Variants in HOXA4 observed in about 807,000 individuals in gnomAD.
HOXA4 encodes the protein homeobox protein Hox-A4.
HOXA4 carries 31 observed loss-of-function variants against 25.3 expected under a neutral mutation model. That is an observed-to-expected ratio of 1.22 (90% CI 0.92 to 1.65). The LOEUF (loss-of-function observed/expected upper bound fraction) is 1.65. Ranked by LOEUF, HOXA4 falls within the 40% of genes most tolerant of loss-of-function variation. HOXA4 has a pLI of 0.00. For missense variants in HOXA4, 459 were observed against 446.0 expected (o/e 1.03, Z -0.26); for synonymous variants, 225 against 207.7 (o/e 1.08, Z -0.72).
In HOXA4 at chr7:27,130,620, C is replaced by A. The variant is rs1785510034; in HGVS notation, c.114G>T (p.Gly38=). ...CTGGGGGCTGCTGGTAGCCGGGGCC[C>A]CCGCCCGGGCCGCCGTCTGCGCCGC... is the stretch of plus-strand genomic sequence containing the variant. ...GSGGADGGPG[G]GPGYQQPPAP... The change falls in exon 1 of 2, where the codon GGG becomes GGT. Residue 38 remains glycine (G), a synonymous_variant. Coordinates refer to ENST00000360046, the MANE Select transcript of HOXA4 (RefSeq NM_002141.5). 1.9e-6 allele frequency: 3 copies of A among 1,560,168 alleles called. No individual in the cohort carries two copies. The highest frequency in any genetic ancestry group is 2.6e-6 in the Non-Finnish European group (3 of 1,152,196).
At position 27,130,496 on chromosome 7, in the gene HOXA4, G is replaced by A. The variant is rs1322988312; in HGVS notation, c.238C>T (p.Arg80Cys). 7.0e-6 allele frequency: 9 copies of A among 1,282,890 alleles called. No homozygotes were observed. The South Asian group carries it at 2.1e-4, about 29-fold the overall frequency. 79.5% of individuals were successfully genotyped at this position (1,282,890 alleles called of 1,614,324 possible). Residue 80 changes from arginine (R) to cysteine (C), a missense_variant, in exon 1 of 2, where the codon CGC (arginine) becomes TGC (cysteine). By Grantham distance (180) the Arg-to-Cys change is radical. Transcript: ENST00000360046. Reference protein sequence around the residue: ...TASYYAPRTAREPAYPAAALY... With the variant: ...TASYYAPRTACEPAYPAAALY... ...GCGGCAGCAGGGTAGGCGGGCTCGC[G>A]GGCGGTCCGCGGCGCGTAGTAGGAG...
At position 27,130,300 on chromosome 7, in the gene HOXA4, T is replaced by A; in HGVS notation, c.434A>T (p.Gln145Leu). 1 of 1,089,374 alleles carries A rather than the reference T, an allele frequency of 9.2e-7. No individual in the cohort carries two copies. The allele number at this position is 1,089,374 out of a possible 1,614,324, so 67.5% of individuals were successfully genotyped here. A position where few individuals can be genotyped will look rare whatever the true frequency, so the allele number is the denominator to read the frequency against. Residue 145 changes from glutamine to leucine, a missense_variant, in exon 1 of 2, where the codon CAG (glutamine) becomes CTG (leucine). Physicochemically the swap from Gln to Leu is moderately radical, Grantham distance 113. Coordinates refer to ENST00000360046, the MANE Select transcript of HOXA4 (RefSeq NM_002141.5). The stretch of plus-strand genomic sequence containing the variant: ...GGCCGCTGGGGGCACGGCGCGAGGC[T>A]GCAGGGGCGGCGGCAGCTGGGGCTG... ...VLQPQLPPPLQPRAVPPAAPR... is the reference protein window; with the variant it reads ...VLQPQLPPPLLPRAVPPAAPR...
intron 1 of HOXA4, 62 bp downstream of exon 1, chr7:27,130,056 G>A (rs1785455709): frequency 4.0e-6 from 6 of 1,511,586 alleles, no homozygotes; most frequent in Middle Eastern, 1.7e-4. Context: ...TCCTGACCCC[G>A]ACCCTCGAAC....
At chr7:27,129,719 A>T in intron 1 of HOXA4, 148 bp from the exon 2 acceptor site, 1 of 888,154 alleles carries the variant, frequency 1.1e-6, no homozygotes, top group East Asian at 2.6e-5. Flanking sequence ...CAAGATACAT[A>T]AAACGGCAAA....
Position 27,130,381 on chromosome 7 carries a change from T to C in HOXA4, c.353A>G (p.Gln118Arg). 1 of 1,150,116 alleles carries C rather than the reference T, an allele frequency of 8.7e-7. No homozygotes were observed. The highest frequency in any genetic ancestry group is 1.1e-6 in the Non-Finnish European group (1 of 936,418). 71.2% of individuals were successfully genotyped at this position (1,150,116 alleles called of 1,614,324 possible). ...ASPGRPPQPE[Q>R]PPAQAKGPAH... ...TGGGCCCTTGGCTTGCGCCGGGGGC[T>C]GCTCGGGCTGGGGCGGCCGCCCGGG... The change falls in exon 1 of 2, where the codon CAG becomes CGG. Residue 118 changes from glutamine (Q) to arginine (R), a missense_variant. Gln to Arg is a conservative substitution (Grantham distance 43). Coordinates refer to ENST00000360046, the MANE Select transcript of HOXA4 (RefSeq NM_002141.5).
chr7:27,129,519 G>T lies in HOXA4; in HGVS notation c.669C>A (p.Thr223=), dbSNP rs1206053250. 13 of 1,614,144 alleles carry T rather than the reference G, an allele frequency of 8.1e-6. No homozygotes were observed. Among genetic ancestry groups the T allele is most frequent in the Non-Finnish European group, 1.1e-5 (13 of 1,180,020 alleles). The change falls in exon 2 of 2, where the codon ACC becomes ACA. Residue 223 remains threonine (T), a synonymous_variant. Transcript: ENST00000360046. ...GEPKRSRTAY[T]RQQVLELEKE... Reference sequence around the variant, plus strand: ...TCTCCAGCTCCAAGACCTGCTGCCGGGTGTAGGCGGTTCGAGAGCGCTTAG... The same window carrying T: ...TCTCCAGCTCCAAGACCTGCTGCCGTGTGTAGGCGGTTCGAGAGCGCTTAG...
Position 27,130,314 on chromosome 7 carries a change from C to A in HOXA4, c.420G>T (p.Leu140=). Residue 140 remains leucine, a synonymous_variant, in exon 1 of 2, where the codon CTG becomes CTT. Coordinates refer to ENST00000360046, the MANE Select transcript of HOXA4 (RefSeq NM_002141.5). The stretch of plus-strand genomic sequence containing the variant: ...CGGCGCGAGGCTGCAGGGGCGGCGG[C>A]AGCTGGGGCTGCAGGACGTGGCTCG... ...LHASHVLQPQ[L]PPPLQPRAVP... 9.4e-7 allele frequency: 1 copy of A among 1,061,978 alleles called. No homozygotes were observed. Among genetic ancestry groups the A allele is most frequent in the Non-Finnish European group, 1.1e-6 (1 of 874,050 alleles). 65.8% of individuals were successfully genotyped at this position (1,061,978 alleles called of 1,614,324 possible). A position where few individuals can be genotyped will look rare whatever the true frequency, so the allele number is the denominator to read the frequency against.
intron 1 of HOXA4, 163 bp downstream of exon 1, chr7:27,129,955 G>A: frequency 1.3e-6 from 1 of 750,708 alleles, no homozygotes; most frequent in Non-Finnish European, 2.1e-6. Flanking sequence ...GGGATCAGGC[G>A]GCTGGCTGGC....
Position 27,129,476 on chromosome 7 carries a change from G to C in HOXA4, c.712C>G (p.Arg238Gly), listed in dbSNP as rs1461081214. 1.2e-6 allele frequency: 2 copies of C among 1,614,174 alleles called. No individual in the cohort carries two copies. The change falls in exon 2 of 2, where the codon CGA (arginine) becomes GGA (glycine). Residue 238 changes from arginine (R) to glycine (G), a missense_variant. By Grantham distance (125) the Arg-to-Gly change is moderately radical. Coordinates refer to ENST00000360046, the MANE Select transcript of HOXA4 (RefSeq NM_002141.5). ...LELEKEFHFN[R>G]YLTRRRRIEI... ...ATGCGGCGCCGCCGGGTCAGGTATC[G>C]ATTGAAGTGGAACTCCTTCTCCAGC...
Position 27,130,164 on chromosome 7 carries a change from C to G in HOXA4, c.570G>C (p.Lys190Asn). ...ADKSPLGLKG[K>N]EPVVYPWMKK... The stretch of plus-strand genomic sequence containing the variant: ...TCATCCAGGGGTACACCACGGGCTC[C>G]TTGCCCTTCAGGCCCAGCGGGCTCT... Residue 190 changes from lysine (K) to asparagine (N), a missense_variant, in exon 1 of 2, where the codon AAG becomes AAC. Lys to Asn is a moderately conservative substitution (Grantham distance 94, BLOSUM62 0). Coordinates refer to ENST00000360046, the MANE Select transcript of HOXA4 (RefSeq NM_002141.5). 1 of 1,600,880 alleles carries G rather than the reference C, an allele frequency of 6.2e-7. No homozygotes were observed. Among genetic ancestry groups the G allele is most frequent in the Non-Finnish European group, 8.5e-7 (1 of 1,177,144 alleles).
chr7:27,130,312 G>GGCGGCTGGGGCT lies in HOXA4; in HGVS notation c.421_422insAGCCCCAGCCGC (p.Leu140_Pro141insGlnProGlnPro). On this transcript the variant is annotated inframe_insertion, in exon 1 of 2. Transcript: ENST00000360046. ...CACGGCGCGAGGCTGCAGGGGCGGC[G>GGCGGCTGGGGCT]GCAGCTGGGGCTGCAGGACGTGGCT... 5.5e-6 allele frequency: 6 copies of GGCGGCTGGGGCT among 1,083,160 alleles called. No homozygotes were observed. The highest frequency in any genetic ancestry group is 4.5e-6 in the Non-Finnish European group (4 of 892,388). 67.1% of individuals were successfully genotyped at this position (1,083,160 alleles called of 1,614,324 possible). A position where few individuals can be genotyped will look rare whatever the true frequency, so the allele number is the denominator to read the frequency against.
chr7:27,129,592 A>G (rs771988070), intron 1 of HOXA4, 21 bp from the exon 2 acceptor site: 2 of 1,608,500 alleles, frequency 1.2e-6, no homozygotes, highest in Non-Finnish European at 8.5e-7. Context: ...AGAACCCCGA[A>G]ATAGAAGGCC....
At chr7:27,130,009 C>A (rs1785453378) in intron 1 of HOXA4, 109 bp downstream of exon 1, 1 of 1,291,754 alleles carries the variant, frequency 7.7e-7, no homozygotes, top group African/African-American at 1.5e-5. Flanking sequence ...CAGATGGGGG[C>A]TCCCCTCCCG....
At chr7:27,129,928 A>C in intron 1 of HOXA4, 190 bp downstream of exon 1, 1 of 655,350 alleles carries the variant, frequency 1.5e-6, no homozygotes, top group Non-Finnish European at 2.6e-6. Flanking sequence ...CCCTGGGTAC[A>C]AAAGGGTTCT....
rs1162069433 is a variant in HOXA4, at chr7:27,130,325, G to A, written c.409C>T (p.Gln137Ter). ...AHGLHASHVLQPQLPPPLQPR... is the reference protein window; with the variant it reads ...AHGLHASHVL ...TGCAGGGGCGGCGGCAGCTGGGGCT[G>A]CAGGACGTGGCTCGCATGCAGGCCG... Residue 137 changes from glutamine to a stop codon, truncating the protein, a stop_gained, in exon 1 of 2, where the codon CAG becomes TAG. Transcript: ENST00000360046. LOFTEE classifies it high-confidence loss of function. 1 of 1,098,588 alleles carries A rather than the reference G, an allele frequency of 9.1e-7. No individual in the cohort carries two copies. Among genetic ancestry groups the A allele is most frequent in the Non-Finnish European group, 1.1e-6 (1 of 902,998 alleles). 68.1% of individuals were successfully genotyped at this position (1,098,588 alleles called of 1,614,324 possible). A position where few individuals can be genotyped will look rare whatever the true frequency, so the allele number is the denominator to read the frequency against.
chr7:27,129,294 T>G lies in HOXA4; in HGVS notation c.894A>C (p.Gln298His). Reference protein sequence around the residue: ...SASAGPPGKAQTQSPHLHPHP... With the variant: ...SASAGPPGKAHTQSPHLHPHP... ...GGGGATGGAGGTGTGGGCTCTGAGT[T>G]TGTGCTTTCCCTGGTGGGCCGGCAG... is the stretch of plus-strand genomic sequence containing the variant. The change falls in exon 2 of 2, where the codon CAA becomes CAC. Residue 298 changes from glutamine to histidine, a missense_variant. Coordinates refer to ENST00000360046, the MANE Select transcript of HOXA4 (RefSeq NM_002141.5). The G allele has an allele frequency of 6.2e-7, 1 of 1,613,912 alleles. No individual in the cohort carries two copies. The highest frequency in any genetic ancestry group is 8.5e-7 in the Non-Finnish European group (1 of 1,179,972).
Position 27,130,511 on chromosome 7 carries a change from C to A in HOXA4, c.223G>T (p.Ala75Ser), listed in dbSNP as rs1402487462. Reference sequence around the variant, plus strand: ...GCGGGCTCGCGGGCGGTCCGCGGCGCGTAGTAGGAGGCAGTGGGCTCTCGG... The same window carrying A: ...GCGGGCTCGCGGGCGGTCCGCGGCGAGTAGTAGGAGGCAGTGGGCTCTCGG... ...GGREPTASYYAPRTAREPAYP... is the reference protein window; with the variant it reads ...GGREPTASYYSPRTAREPAYP... The change falls in exon 1 of 2, where the codon GCG (alanine) becomes TCG (serine). Residue 75 changes from alanine (A) to serine (S), a missense_variant. Transcript: ENST00000360046. The A allele has an allele frequency of 7.6e-7, 1 of 1,315,522 alleles. No individual in the cohort carries two copies. Among genetic ancestry groups the A allele is most frequent in the Non-Finnish European group, 9.7e-7 (1 of 1,032,148 alleles). 81.5% of individuals were successfully genotyped at this position (1,315,522 alleles called of 1,614,324 possible).
intron 1 of HOXA4, 34 bp from the exon 2 acceptor site, chr7:27,129,605 G>GGAGGAGGGAGCGGAAGAGAGGGA (rs1397442863): frequency 1.9e-6 from 3 of 1,605,756 alleles, no homozygotes; most frequent in Non-Finnish European, 2.5e-6. Flanking sequence ...AGAAGGCCAA[G>GGAGGAGGGAGCGGAAGAGAGGGA]GAGGAGGGAG....
In HOXA4 at chr7:27,130,569, C is replaced by A. The variant is rs532084815; in HGVS notation, c.165G>T (p.Leu55=). The stretch of plus-strand genomic sequence containing the variant: ...CCGCGTGAGGGAGCTGGGGCTGCTG[C>A]AGCGGCAGGTGCTGGGTCGGGGGCG... ...PPAPPTQHLP[L]QQPQLPHAGG... is the part of the protein sequence containing the mutation. Residue 55 remains leucine (L), a synonymous_variant, in exon 1 of 2, where the codon CTG becomes CTT. Coordinates refer to ENST00000360046, the MANE Select transcript of HOXA4 (RefSeq NM_002141.5). 10,004 of 1,444,114 alleles carry A rather than the reference C, an allele frequency of 6.9e-3. 59 individuals carry two copies. The highest frequency in any genetic ancestry group is 8.1e-3 in the Non-Finnish European group (8,842 of 1,097,238). 89.5% of individuals were successfully genotyped at this position (1,444,114 alleles called of 1,614,324 possible).
Sources: allele counts gnomAD v4.1 joint callset, GRCh38; gene constraint gnomAD v4.1.1; transcripts MANE v1.5; gene names NCBI Gene and HGNC (gene_info 2026-07-23, HGNC 2026-07-21).